Variants in LRRC4C observed in about 807,000 individuals in gnomAD.
LRRC4C encodes the protein leucine rich repeat containing 4C, also known as leucine-rich repeat-containing protein 4C.
Under a neutral mutation model 33.6 loss-of-function variants are expected in LRRC4C, and 5 were observed. The ratio of observed to expected loss-of-function variants is 0.15; its 90% CI spans 0.08 to 0.31. LRRC4C has a LOEUF of 0.31. LRRC4C is among the 10% of genes least tolerant of loss of function. The pLI is 1.00. For synonymous variants in LRRC4C, 329 were observed against 302.0 expected (o/e 1.09, Z -0.93); for missense variants, 560 against 796.7 (o/e 0.70, Z 3.58).
chr11:41,441,318 A>C (rs1279333579), intron 1 of LRRC4C, among the ~76,000 whole-genome samples: 1 of 152,126 alleles, frequency 6.6e-6, no homozygotes, highest in Non-Finnish European at 1.5e-5. Context: ...AGGTAGAGGC[A>C]AAATGGAAGT....
At chr11:40,917,185 A>G (rs1421462915) in intron 2 of LRRC4C, among the ~76,000 whole-genome samples, 2 of 152,092 alleles carry the variant, frequency 1.3e-5, no homozygotes, top group African/African-American at 2.4e-5. Flanking sequence ...GTAAGTTCCA[A>G]AGTTTTGGAG....
Position 40,818,745 on chromosome 11 carries a change from T to A in LRRC4C, c.-407+114890A>T, listed in dbSNP as rs370315870. 1.8e-4 allele frequency among the ~76,000 whole-genome samples: 28 copies of A among 152,176 alleles called. No homozygotes were observed. In the South Asian group the frequency reaches 5.2e-3, roughly 28 times the overall value. ...CTTACATATCATCAGTTACCCAAGA[T>A]ATATCTAAATCAATAGGATACATAC... On this transcript the variant is annotated intron_variant, in intron 2 of 6. Coordinates refer to ENST00000528697, the MANE Select transcript of LRRC4C (RefSeq NM_001258419.2).
chr11:41,316,148 A>T (rs1950778811), intron 1 of LRRC4C, among the ~76,000 whole-genome samples: 1 of 151,438 alleles, frequency 6.6e-6, no homozygotes, highest in Non-Finnish European at 1.5e-5. Context: ...TACCAAAGAC[A>T]GTATAGTCTT....
intron 1 of LRRC4C, among the ~76,000 whole-genome samples, chr11:41,306,421 T>C (rs1950507507): frequency 2.0e-5 from 3 of 152,252 alleles, no homozygotes; most frequent in Admixed American, 2.0e-4. Flanking sequence ...ATTTAGTATC[T>C]ACTCCTCTTC....
intron 1 of LRRC4C, among the ~76,000 whole-genome samples, chr11:41,025,144 T>G (rs1306201701): frequency 2.6e-5 from 4 of 151,622 alleles, no homozygotes; most frequent in Non-Finnish European, 5.9e-5. Context: ...TTAGGCCAAT[T>G]AATAACCCTA....
intron 1 of LRRC4C, among the ~76,000 whole-genome samples, chr11:41,442,663 G>A (rs1034303796): frequency 1.3e-5 from 2 of 151,676 alleles, no homozygotes; most frequent in Admixed American, 1.3e-4. Context: ...TAGAGACGGG[G>A]TTTCACTGTG....
intron 3 of LRRC4C, among the ~76,000 whole-genome samples, chr11:40,491,615 T>C (rs560187984): frequency 2.6e-5 from 4 of 152,266 alleles, no homozygotes; most frequent in Admixed American, 6.5e-5. Flanking sequence ...CTACACAACA[T>C]GGCTATTTGA....
At chr11:41,120,194 G>A (rs1427615393) in intron 1 of LRRC4C, among the ~76,000 whole-genome samples, 3 of 152,066 alleles carry the variant, frequency 2.0e-5, no homozygotes, top group Non-Finnish European at 4.4e-5. Flanking sequence ...TCCAGAGGCT[G>A]AGCAGCCAGA....
intron 1 of LRRC4C, among the ~76,000 whole-genome samples, chr11:41,369,663 T>C (rs747782149): frequency 6.6e-6 from 1 of 152,120 alleles, no homozygotes; most frequent in Non-Finnish European, 1.5e-5. Flanking sequence ...AGAACTGTTG[T>C]TTGAAGAAGA....
intron 3 of LRRC4C, among the ~76,000 whole-genome samples, chr11:40,608,069 T>C (rs1960814298): frequency 6.6e-6 from 1 of 152,186 alleles, no homozygotes; most frequent in African/African-American, 2.4e-5. Flanking sequence ...ACTATATAGC[T>C]TTCTTATAAT....
At chr11:40,736,264 T>C (rs937928522) in intron 2 of LRRC4C, among the ~76,000 whole-genome samples, 2 of 151,882 alleles carry the variant, frequency 1.3e-5, no homozygotes, top group Non-Finnish European at 2.9e-5. Flanking sequence ...ACATGCAGTG[T>C]TTGGTTTTCT....
intron 1 of LRRC4C, among the ~76,000 whole-genome samples, chr11:41,000,968 T>G (rs183780096): frequency 9.2e-5 from 14 of 152,294 alleles, no homozygotes. Flanking sequence ...CCAAGGACTG[T>G]GCTAAAAGAT....
chr11:40,548,839 T>G (rs1957027168), intron 3 of LRRC4C, among the ~76,000 whole-genome samples: 1 of 152,130 alleles, frequency 6.6e-6, no homozygotes, highest in Non-Finnish European at 1.5e-5. Flanking sequence ...ATGAATGTGT[T>G]AGTGCATGTA....
At chr11:40,698,485 C>T (rs56008327) in intron 2 of LRRC4C, among the ~76,000 whole-genome samples, 29,734 of 151,604 alleles carry the variant, frequency 0.2, 3,501 homozygotes, top group East Asian at 0.41. Flanking sequence ...TTGTTAAATC[C>T]TAATCAGTCT....
At chr11:40,144,393 C>T (rs1344738721) in intron 5 of LRRC4C, among the ~76,000 whole-genome samples, 4 of 152,134 alleles carry the variant, frequency 2.6e-5, no homozygotes, top group African/African-American at 9.7e-5. Flanking sequence ...GGCTAAACAA[C>T]TCATCTACTT....
chr11:41,167,840 T>C (rs761017030), intron 1 of LRRC4C, among the ~76,000 whole-genome samples: 4 of 152,158 alleles, frequency 2.6e-5, no homozygotes, highest in Non-Finnish European at 5.9e-5. Context: ...TAAACACTAA[T>C]TATGTACTGA....
At chr11:40,392,654 T>A (rs1050989091) in intron 3 of LRRC4C, among the ~76,000 whole-genome samples, 1 of 152,100 alleles carries the variant, frequency 6.6e-6, no homozygotes, top group African/African-American at 2.4e-5. Flanking sequence ...GGTTATAATA[T>A]CAGTATTTTA....
chr11:41,341,459 A>AT (rs776360446), intron 1 of LRRC4C, among the ~76,000 whole-genome samples: 10 of 151,988 alleles, frequency 6.6e-5, no homozygotes, highest in Non-Finnish European at 1.3e-4. Flanking sequence ...TGTTTTCTAC[A>AT]TTTTTTTCCA....
chr11:40,712,522 T>G (rs1053017629), intron 2 of LRRC4C, among the ~76,000 whole-genome samples: 4 of 152,190 alleles, frequency 2.6e-5, no homozygotes, highest in Non-Finnish European at 4.4e-5. Context: ...AATATAATTT[T>G]CATAAAAAGC....
Sources: allele counts gnomAD v4.1 joint callset (sites outside exome capture counted in the v4.1 genomes callset), GRCh38; gene constraint gnomAD v4.1.1; transcripts MANE v1.5; gene names NCBI Gene and HGNC (gene_info 2026-07-23, HGNC 2026-07-21).